SIRPA: variants seen among roughly 807,000 people sequenced by gnomAD.
The protein encoded by SIRPA is signal regulatory protein alpha, also known as tyrosine-protein phosphatase non-receptor type substrate 1.
Under a neutral mutation model 50.3 loss-of-function variants are expected in SIRPA, and 9 were observed. The observed-to-expected ratio is 0.18, with a 90% CI of 0.11 to 0.31. The LOEUF is 0.31. Ranked by LOEUF, SIRPA falls within the 10% of genes least tolerant of loss-of-function variation. The pLI is 1.00. For missense variants in SIRPA, 474 were observed against 661.6 expected (o/e 0.72, Z 3.11); for synonymous variants, 265 against 284.1 (o/e 0.93, Z 0.68).
intron 1 of SIRPA, among the ~76,000 whole-genome samples, chr20:1,895,974 G>T (rs1983785798): frequency 6.6e-6 from 1 of 152,226 alleles, no homozygotes; most frequent in Non-Finnish European, 1.5e-5. Flanking sequence ...TCCCGATGCT[G>T]CCTGGAATGG....
At chr20:1,913,263 C>G (rs1007318303) in intron 1 of SIRPA, among the ~76,000 whole-genome samples, 2 of 152,206 alleles carry the variant, frequency 1.3e-5, no homozygotes, top group African/African-American at 4.8e-5. Flanking sequence ...CAAGGGTGAT[C>G]CCTTGCCAGA....
At chr20:1,925,046 T>G (rs1179826891) in intron 5 of SIRPA, among the ~76,000 whole-genome samples, 169 bp downstream of exon 5, 1 of 152,084 alleles carries the variant, frequency 6.6e-6, no homozygotes, top group African/African-American at 2.4e-5. Flanking sequence ...AGAGTCTGGG[T>G]GGGTCACTCT....
rs1378402450 is a variant in SIRPA, at chr20:1,927,555, C to T, written c.1202-320C>T. Among the ~76,000 whole-genome samples the T allele has an allele frequency of 2.0e-5, 3 of 152,190 alleles. No homozygotes were observed. Among genetic ancestry groups the T allele is most frequent in the African/African-American group, 2.4e-5 (1 of 41,440 alleles). On this transcript the variant is annotated intron_variant, in intron 5 of 7. Coordinates refer to ENST00000358771, the MANE Select transcript of SIRPA (RefSeq NM_001040023.2). The surrounding 1 kb of genome is among the most constrained non-coding windows in gnomAD (Gnocchi z 6.5). Reference sequence around the variant, plus strand: ...GGACCTAGGCTTGTTGGAGGGTCTCCGCTGAGGTTTGTGGTTGAATGGAGG... The same window carrying T: ...GGACCTAGGCTTGTTGGAGGGTCTCTGCTGAGGTTTGTGGTTGAATGGAGG...
In SIRPA at chr20:1,927,230, G is replaced by A. The variant is rs180955989; in HGVS notation, c.1202-645G>A. On this transcript the variant is annotated intron_variant, in intron 5 of 7. Transcript: ENST00000358771. The surrounding 1 kb of genome is among the most constrained non-coding windows in gnomAD (Gnocchi z 6.5). ...TTAATTACAATTTTACAGCAAAATG[G>A]GAGTCAAACGGCTGCTGAACCCTGG... Among the ~76,000 whole-genome samples, 1 of 152,298 alleles carries A rather than the reference G, an allele frequency of 6.6e-6. No individual in the cohort carries two copies. Among genetic ancestry groups the A allele is most frequent in the African/African-American group, 2.4e-5 (1 of 41,568 alleles).
chr20:1,897,362 G>A (rs1403660000), intron 1 of SIRPA, among the ~76,000 whole-genome samples: 2 of 152,184 alleles, frequency 1.3e-5, no homozygotes, highest in African/African-American at 2.4e-5. Flanking sequence ...AGGGTGGTGG[G>A]GAAGGGATGA....
At chr20:1,920,892 T>C (rs1485714444) in intron 2 of SIRPA, among the ~76,000 whole-genome samples, 1 of 152,208 alleles carries the variant, frequency 6.6e-6, no homozygotes, top group East Asian at 1.9e-4. Context: ...AATGCTGCTG[T>C]TCCATTTTAC....
rs773526309 is a variant in SIRPA, at chr20:1,938,950, G to A, written c.*1382G>A. On this transcript the variant is annotated 3_prime_UTR_variant, in exon 8 of 8. Coordinates refer to ENST00000358771, the MANE Select transcript of SIRPA (RefSeq NM_001040023.2). ...CCGGCTTTCTGAGCTGATCCTTGAA[G>A]AAGAAATCTTCCATTTCTGCTCTCA... 1.3e-5 allele frequency: 2 copies of A among 152,726 alleles called. No homozygotes were observed. Among genetic ancestry groups the A allele is most frequent in the Non-Finnish European group, 2.9e-5 (2 of 68,102 alleles). 9.5% of individuals were successfully genotyped at this position (152,726 alleles called of 1,614,324 possible). A position where few individuals can be genotyped will look rare whatever the true frequency, so the allele number is the denominator to read the frequency against.
At chr20:1,913,393 C>T (rs570559000) in intron 1 of SIRPA, among the ~76,000 whole-genome samples, 1 of 152,332 alleles carries the variant, frequency 6.6e-6, no homozygotes, top group South Asian at 2.1e-4. Context: ...GCTGCCCTGC[C>T]CCTGCCAGTG....
Position 1,928,615 on chromosome 20 carries a change from C to T in SIRPA, c.1226+716C>T, listed in dbSNP as rs564911587. On this transcript the variant is annotated intron_variant, in intron 6 of 7. Transcript: ENST00000358771. This position sits in a 1 kb window ranked among gnomAD's most constrained non-coding sequence, Gnocchi z 4.9. Reference sequence around the variant, plus strand: ...TCAGGTGGTGACAACTCCTACCCTGCAAGGAGATGGAGGTGAATGGTGGGG... The same window carrying T: ...TCAGGTGGTGACAACTCCTACCCTGTAAGGAGATGGAGGTGAATGGTGGGG... Among the ~76,000 whole-genome samples the T allele has an allele frequency of 7.3e-4, 111 of 152,174 alleles. No individual in the cohort carries two copies. Among genetic ancestry groups the T allele is most frequent in the Non-Finnish European group, 5.1e-4 (35 of 68,006 alleles).
rs1456198716 is a variant in SIRPA, at chr20:1,934,906, A to G, written c.1266+152A>G. ...TCCTAGCTTTCCCCATGTCCTGTGC[A>G]TATTCCTTCTCTCTACTGCAGCCAA... is the stretch of plus-strand genomic sequence containing the variant. On this transcript the variant is annotated intron_variant, in intron 7 of 7. Coordinates refer to ENST00000358771, the MANE Select transcript of SIRPA (RefSeq NM_001040023.2). This position sits in a 1 kb window ranked among gnomAD's most constrained non-coding sequence, Gnocchi z 4.6. The G allele has an allele frequency of 1.2e-6, 1 of 815,318 alleles. No individual in the cohort carries two copies. Among genetic ancestry groups the G allele is most frequent in the East Asian group, 2.6e-5 (1 of 38,546 alleles). The allele number at this position is 815,318 out of a possible 1,614,324, so 50.5% of individuals were successfully genotyped here. A position where few individuals can be genotyped will look rare whatever the true frequency, so the allele number is the denominator to read the frequency against.
At position 1,937,930 on chromosome 20, in the gene SIRPA, T is replaced by C. The variant is rs1411661961; in HGVS notation, c.*362T>C. On this transcript the variant is annotated 3_prime_UTR_variant, in exon 8 of 8. Coordinates refer to ENST00000358771, the MANE Select transcript of SIRPA (RefSeq NM_001040023.2). This position sits in a 1 kb window ranked among gnomAD's most constrained non-coding sequence, Gnocchi z 8.3. ...GCCTCCCCGATGCTCCGAAGCCTGATCTTCCAGGGTGGGGAGGAGAAAATC... is the reference window on the plus strand; with the variant it reads ...GCCTCCCCGATGCTCCGAAGCCTGACCTTCCAGGGTGGGGAGGAGAAAATC... 1.3e-5 allele frequency: 3 copies of C among 236,120 alleles called. No individual in the cohort carries two copies. Among genetic ancestry groups the C allele is most frequent in the Non-Finnish European group, 2.5e-5 (3 of 118,520 alleles). 14.6% of individuals were successfully genotyped at this position (236,120 alleles called of 1,614,324 possible). A position where few individuals can be genotyped will look rare whatever the true frequency, so the allele number is the denominator to read the frequency against.
intron 1 of SIRPA, among the ~76,000 whole-genome samples, chr20:1,902,465 T>TTTAATTTA (rs1198587666): frequency 6.6e-6 from 1 of 152,218 alleles, no homozygotes; most frequent in East Asian, 1.9e-4. Flanking sequence ...TAATTGTAAA[T>TTTAATTTA]ATTCATTCAA....
rs142644182 is a variant in SIRPA at position 1,927,806 on chromosome 20, A to C, written c.1202-69A>C. On this transcript the variant is annotated intron_variant, in intron 5 of 7. Coordinates refer to ENST00000358771, the MANE Select transcript of SIRPA (RefSeq NM_001040023.2). The surrounding 1 kb of genome is among the most constrained non-coding windows in gnomAD (Gnocchi z 6.5). ...TGTCCCTGGAGGCAAACCTTTTGCC[A>C]AAAAATAGTTACATAAGAAAAGTGT... The C allele has an allele frequency of 3.5e-4, 518 of 1,494,194 alleles. 1 individual carries two copies. In the East Asian group the frequency reaches 0.011, roughly 32 times the overall value. 92.6% of individuals were successfully genotyped at this position (1,494,194 alleles called of 1,614,324 possible).
In SIRPA at chr20:1,921,723, C is replaced by T; in HGVS notation, c.754+11C>T. ...CTGAGACCATCCGAGGTAGAAGACC[C>T]TCACCCAGCCCAAGCCCACACCTGA... On this transcript the variant is annotated intron_variant, in intron 3 of 7. Coordinates refer to ENST00000358771, the MANE Select transcript of SIRPA (RefSeq NM_001040023.2). 6.2e-7 allele frequency: 1 copy of T among 1,614,096 alleles called. No individual in the cohort carries two copies. Among genetic ancestry groups the T allele is most frequent in the Non-Finnish European group, 8.5e-7 (1 of 1,179,978 alleles).
chr20:1,902,008 C>T (rs1351532940), intron 1 of SIRPA, among the ~76,000 whole-genome samples: 3 of 152,196 alleles, frequency 2.0e-5, no homozygotes, highest in South Asian at 4.1e-4. Flanking sequence ...ACTAGGTACA[C>T]GATGTGCTCG....
chr20:1,927,917 C>G lies in SIRPA; in HGVS notation c.1226+18C>G. The G allele has an allele frequency of 6.2e-7, 1 of 1,610,284 alleles. No individual in the cohort carries two copies. Among genetic ancestry groups the G allele is most frequent in the Non-Finnish European group, 8.5e-7 (1 of 1,176,496 alleles). ...TCTACAAGGTAAGTGCATCATTGGT[C>G]CAGACCCTCTTGCAGTTATTATTTG... On this transcript the variant is annotated intron_variant, in intron 6 of 7. Coordinates refer to ENST00000358771, the MANE Select transcript of SIRPA (RefSeq NM_001040023.2). This position sits in a 1 kb window ranked among gnomAD's most constrained non-coding sequence, Gnocchi z 6.5.
In SIRPA at chr20:1,938,454, G is replaced by T. The variant is rs558844561; in HGVS notation, c.*886G>T. 1 of 152,808 alleles carries T rather than the reference G, an allele frequency of 6.5e-6. No homozygotes were observed. Among genetic ancestry groups the T allele is most frequent in the African/African-American group, 2.4e-5 (1 of 41,570 alleles). 9.5% of individuals were successfully genotyped at this position (152,808 alleles called of 1,614,324 possible). ...TTTTGTTTTTTTTCTTAAAACAACAGCAACGTGATCTTGGCTGTCTGTCAT... is the reference window on the plus strand; with the variant it reads ...TTTTGTTTTTTTTCTTAAAACAACATCAACGTGATCTTGGCTGTCTGTCAT... On this transcript the variant is annotated 3_prime_UTR_variant, in exon 8 of 8. Transcript: ENST00000358771.
In SIRPA at chr20:1,927,444, G is replaced by A. The variant is rs771012051; in HGVS notation, c.1202-431G>A. Among the ~76,000 whole-genome samples, 8 of 152,222 alleles carry A rather than the reference G, an allele frequency of 5.3e-5. No homozygotes were observed. Among genetic ancestry groups the A allele is most frequent in the Non-Finnish European group, 1.2e-4 (8 of 68,050 alleles). On this transcript the variant is annotated intron_variant, in intron 5 of 7. Transcript: ENST00000358771. The surrounding 1 kb of genome is among the most constrained non-coding windows in gnomAD (Gnocchi z 6.5). Reference sequence around the variant, plus strand: ...CCACCCGGGGTCACATGGTGAGTGAGTGGGTAGCAGACCCGGGGTTCACAC... The same window carrying A: ...CCACCCGGGGTCACATGGTGAGTGAATGGGTAGCAGACCCGGGGTTCACAC...
At chr20:1,931,275 C>G (rs978618580) in intron 6 of SIRPA, among the ~76,000 whole-genome samples, 6 of 152,276 alleles carry the variant, frequency 3.9e-5, no homozygotes, top group African/African-American at 1.2e-4. Flanking sequence ...AACCCCTGTT[C>G]TAGAAGGTTC....
Sources: allele counts gnomAD v4.1 joint callset (sites outside exome capture counted in the v4.1 genomes callset), GRCh38; gene constraint gnomAD v4.1.1; non-coding constraint Gnocchi (gnomAD v3.1); transcripts MANE v1.5; gene names NCBI Gene and HGNC (gene_info 2026-07-23, HGNC 2026-07-21).